ATP6V1B1: variants seen among roughly 807,000 people sequenced by gnomAD.
ATP6V1B1 encodes V-type proton ATPase subunit B, kidney isoform.
A neutral mutation model predicts 62.1 loss-of-function variants in ATP6V1B1; 41 were observed. The ratio of observed to expected loss-of-function variants is 0.66; its 90% CI spans 0.51 to 0.86. ATP6V1B1 has a LOEUF of 0.86. Ranked by LOEUF, ATP6V1B1 falls within the 40% of genes least tolerant of loss-of-function variation. The probability of loss-of-function intolerance (pLI) is 0.00; values close to 1 mark genes in which losing one functional copy is unlikely to be tolerated. For synonymous variants in ATP6V1B1, 253 were observed against 273.4 expected, an observed-to-expected ratio of 0.93 and a Z score of 0.74; for missense variants, 651 against 697.5, an observed-to-expected ratio of 0.93 and a Z score of 0.75.
chr2:70,943,457 G>A (rs567052934), intron 1 of ATP6V1B1: 3 of 695,028 alleles, frequency 4.3e-6, no homozygotes, highest in South Asian at 3.0e-5. Flanking sequence ...TCCTGCAGGT[G>A]TCCGAGCAGC....
intron 1 of ATP6V1B1, chr2:70,940,907 C>CTTTTTTTTTTTTTTTT (rs782110711): frequency 1.5e-6 from 1 of 685,730 alleles, no homozygotes; most frequent in African/African-American, 2.7e-5. Context: ...TTTTCTTTTT[C>CTTTTTTTTTTTTTTTT]TTTTTCTTTT....
intron 2 of ATP6V1B1, among the ~76,000 whole-genome samples, chr2:70,946,078 C>G (rs765472364): frequency 6.6e-6 from 1 of 152,058 alleles, no homozygotes; most frequent in Admixed American, 6.6e-5. Context: ...CCCAACACAG[C>G]ATTTTTACTG....
intron 2 of ATP6V1B1, among the ~76,000 whole-genome samples, chr2:70,950,874 C>T (rs12469064): frequency 0.3 from 44,627 of 148,894 alleles, 8,228 homozygotes; most frequent in Non-Finnish European, 0.41. Context: ...AATATATTAT[C>T]TCATTTGCTC....
chr2:70,955,054 A>G (rs1490504385), intron 2 of ATP6V1B1, among the ~76,000 whole-genome samples: 3 of 152,134 alleles, frequency 2.0e-5, no homozygotes, highest in Non-Finnish European at 4.4e-5. Context: ...TGGCTCCCAG[A>G]GCGTGCACAG....
At chr2:70,964,131 T>TTTTTTTTTTTTTG in intron 11 of ATP6V1B1, 1 of 307,462 alleles carries the variant, frequency 3.3e-6, no homozygotes, top group South Asian at 4.3e-5. Context: ...TTTTTTTTTT[T>TTTTTTTTTTTTTG]TTTTTGCAGC....
chr2:70,964,654 G>A (rs1046928521), intron 12 of ATP6V1B1, 82 bp from the exon 13 acceptor site: 1 of 1,612,440 alleles, frequency 6.2e-7, no homozygotes, highest in Non-Finnish European at 8.5e-7. Context: ...TTCCGAACGG[G>A]GTCCCAGTGT....
chr2:70,938,528 T>TC lies in ATP6V1B1; in HGVS notation c.118+2461dup, dbSNP rs1248517377. The stretch of plus-strand genomic sequence containing the variant: ...AGTCCAGGTGACTTAGGCATTCCCC[T>TC]CCCCCGGGGGAGGTGGGCTAAAGAG... On this transcript the variant is annotated intron_variant, in intron 1 of 13. Coordinates refer to ENST00000234396, the MANE Select transcript of ATP6V1B1 (RefSeq NM_001692.4). 8.1e-6 allele frequency: 8 copies of TC among 984,502 alleles called. No homozygotes were observed. In the Admixed American group the frequency reaches 3.7e-4, roughly 45 times the overall value. 61.0% of individuals were successfully genotyped at this position (984,502 alleles called of 1,614,324 possible). A position where few individuals can be genotyped will look rare whatever the true frequency, so the allele number is the denominator to read the frequency against.
At chr2:70,946,214 AT>A (rs1230281185) in intron 2 of ATP6V1B1, among the ~76,000 whole-genome samples, 2 of 152,238 alleles carry the variant, frequency 1.3e-5, no homozygotes, top group African/African-American at 4.8e-5. Context: ...TGAGCCAACA[AT>A]ATTAAATAAA....
Position 70,965,226 on chromosome 2 carries a change from CCTCCGCT to C in ATP6V1B1, c.*106_*112del. 6.6e-7 allele frequency: 1 copy of C among 1,507,228 alleles called. No individual in the cohort carries two copies. Among genetic ancestry groups the C allele is most frequent in the East Asian group, 2.4e-5 (1 of 42,538 alleles). 93.4% of individuals were successfully genotyped at this position (1,507,228 alleles called of 1,614,324 possible). On this transcript the variant is annotated 3_prime_UTR_variant, in exon 14 of 14. Transcript: ENST00000234396. ...CAGCGGCTTCTGCGCCGCCCTCCGC[CCTCCGCT>C]GGCTCCGAGGTGGTGGGGGCGCCGC...
rs1419745347 is a variant in ATP6V1B1, at chr2:70,959,546, C to T, written c.446-393C>T. 6.6e-6 allele frequency among the ~76,000 whole-genome samples: 1 copy of T among 152,206 alleles called. No homozygotes were observed. Among genetic ancestry groups the T allele is most frequent in the Non-Finnish European group, 1.5e-5 (1 of 68,040 alleles). ...AAGACTCATCTGCTCAGACAGGAGG[C>T]TGAGTCACCCGCAGGCCCTCTGAAC... On this transcript the variant is annotated intron_variant, in intron 5 of 13. Coordinates refer to ENST00000234396, the MANE Select transcript of ATP6V1B1 (RefSeq NM_001692.4). This position sits in a 1 kb window ranked among gnomAD's most constrained non-coding sequence, Gnocchi z 4.2.
intron 2 of ATP6V1B1, 103 bp from the exon 3 acceptor site, chr2:70,957,943 G>C: frequency 3.8e-6 from 4 of 1,041,958 alleles, no homozygotes; most frequent in Non-Finnish European, 5.8e-6. Flanking sequence ...CTGGACACTA[G>C]AGGGGAGAGA....
At chr2:70,942,100 A>T (rs1030857905) in intron 1 of ATP6V1B1, 47 of 1,050,146 alleles carry the variant, frequency 4.5e-5, no homozygotes, top group Non-Finnish European at 4.8e-6. Flanking sequence ...GAGAGAGGCA[A>T]GGAGGCTCTG....
rs1325433222 is a variant in ATP6V1B1 at position 70,959,060 on chromosome 2, C to T, written c.410C>T (p.Pro137Leu). The change falls in exon 5 of 14, where the codon CCA becomes CTA. Residue 137 changes from proline to leucine, a missense_variant. Pro to Leu is a moderately conservative substitution (Grantham distance 98). Coordinates refer to ENST00000234396, the MANE Select transcript of ATP6V1B1 (RefSeq NM_001692.4). The surrounding 1 kb of genome is among the most constrained non-coding windows in gnomAD (Gnocchi z 4.2). ...TCCGGCAAGCCCATTGACAAGGGGC[C>T]AGTGGTCATGGCGGAGGACTTTCTG... is the stretch of plus-strand genomic sequence containing the variant. Reference protein sequence around the residue: ...NGSGKPIDKGPVVMAEDFLDI... With the variant: ...NGSGKPIDKGLVVMAEDFLDI... 3 of 1,614,016 alleles carry T rather than the reference C, an allele frequency of 1.9e-6. No individual in the cohort carries two copies. The highest frequency in any genetic ancestry group is 2.5e-6 in the Non-Finnish European group (3 of 1,180,032).
chr2:70,940,475 T>C (rs1553416240), intron 1 of ATP6V1B1: 4 of 985,268 alleles, frequency 4.1e-6, no homozygotes, highest in African/African-American at 1.7e-5. Context: ...GGGTCTCTCC[T>C]GCCTGCCCTG....
At chr2:70,945,675 G>T (rs553929897) in intron 2 of ATP6V1B1, among the ~76,000 whole-genome samples, 1 of 122,636 alleles carries the variant, frequency 8.2e-6, no homozygotes, top group Non-Finnish European at 1.6e-5. Flanking sequence ...GGGAATATTA[G>T]TATCCTCTTT....
chr2:70,963,140 C>G lies in ATP6V1B1; in HGVS notation c.910-22C>G, dbSNP rs374914739. 4 of 1,613,960 alleles carry G rather than the reference C, an allele frequency of 2.5e-6. No individual in the cohort carries two copies. In the African/African-American group the frequency reaches 4.0e-5, roughly 16 times the overall value. ...TCAGCCTCTCATCCCCTTTCTTACC[C>G]CAGTGCCCATGGATATTGCAGGTCT... On this transcript the variant is annotated intron_variant, in intron 9 of 13. Transcript: ENST00000234396. This position sits in a 1 kb window ranked among gnomAD's most constrained non-coding sequence, Gnocchi z 4.3.
Position 70,964,463 on chromosome 2 carries a change from C to G in ATP6V1B1, c.1169C>G (p.Pro390Arg), listed in dbSNP as rs1553420683. ...ATCTACCCCCCCATCAACGTGCTCCCTTCCCTGTCGCGGCTGATGAAGTCA... is the reference window on the plus strand; with the variant it reads ...ATCTACCCCCCCATCAACGTGCTCCGTTCCCTGTCGCGGCTGATGAAGTCA... ...RQIYPPINVL[P>R]SLSRLMKSAI... is the part of the protein sequence containing the mutation. The change falls in exon 12 of 14, where the codon CCT becomes CGT. Residue 390 changes from proline to arginine, a missense_variant. Pro to Arg is a moderately radical substitution (Grantham distance 103, BLOSUM62 -2). Coordinates refer to ENST00000234396, the MANE Select transcript of ATP6V1B1 (RefSeq NM_001692.4). 1.2e-6 allele frequency: 2 copies of G among 1,614,148 alleles called. No homozygotes were observed. The highest frequency in any genetic ancestry group is 1.7e-6 in the Non-Finnish European group (2 of 1,180,032).
At chr2:70,945,157 G>A (rs1462988489) in intron 2 of ATP6V1B1, among the ~76,000 whole-genome samples, 2 of 152,112 alleles carry the variant, frequency 1.3e-5, no homozygotes, top group South Asian at 2.1e-4. Context: ...ATTAAATTAC[G>A]AGATGTCACC....
intron 1 of ATP6V1B1, 150 bp downstream of exon 1, chr2:70,936,222 C>A: frequency 1.2e-6 from 1 of 804,224 alleles, no homozygotes; most frequent in Non-Finnish European, 2.0e-6. Context: ...CAGAGTGACG[C>A]AGTGGGGCCA....
Sources: gnomAD v4.1 joint callset for allele counts (sites outside exome capture counted in the v4.1 genomes callset) on GRCh38, gnomAD v4.1.1 for gene constraint, Gnocchi (gnomAD v3.1) non-coding constraint, MANE v1.5 for transcripts, NCBI Gene and HGNC (gene_info 2026-07-23, HGNC 2026-07-21) for gene names.